The following PTPRD variants were observed in gnomAD, a reference collection of about 807,000 sequenced individuals.
PTPRD encodes the protein protein tyrosine phosphatase receptor type D.
In PTPRD, 34 loss-of-function variants were observed where a neutral mutation model predicts 214.5. The ratio of observed to expected loss-of-function variants is 0.16; its 90% CI spans 0.12 to 0.21. The LOEUF is 0.21. Among genes scored for constraint, PTPRD ranks in the 10% least tolerant of loss-of-function variants. The pLI is 1.00. For missense variants in PTPRD, 2,545 were observed against 2,398.7 expected, an observed-to-expected ratio of 1.06 and a Z score of -1.27; for synonymous variants, 1,128 against 845.7, an observed-to-expected ratio of 1.33 and a Z score of -5.79.
At chr9:10,060,893 CTTCCTTCT>C (rs796635598) in intron 3 of PTPRD, among the ~76,000 whole-genome samples, 2,671 of 78,628 alleles carry the variant, frequency 0.034, 49 homozygotes, top group East Asian at 0.13. Flanking sequence ...TCCTTCCTTC[CTTCCTTCT>C]TTCTTTCTTT....
intron 2 of PTPRD, among the ~76,000 whole-genome samples, chr9:10,388,891 A>G (rs980712406): frequency 1.3e-5 from 2 of 151,986 alleles, no homozygotes; most frequent in African/African-American, 4.8e-5. Context: ...CTCTAATAAT[A>G]ACCAATTGTA....
chr9:10,221,772 T>C (rs1003171239), intron 3 of PTPRD, among the ~76,000 whole-genome samples: 8 of 151,772 alleles, frequency 5.3e-5, no homozygotes, highest in Non-Finnish European at 2.9e-5. Context: ...CTAGTGTTCA[T>C]GGCTAAAAAA....
rs188344530 is a variant in PTPRD, at chr9:8,521,330, A to G, written c.908T>C (p.Val303Ala). The change falls in exon 20 of 46, where the codon GTT becomes GCT. Residue 303 changes from valine to alanine, a missense_variant. Coordinates refer to ENST00000381196, the MANE Select transcript of PTPRD (RefSeq NM_002839.4). Reference sequence around the variant, plus strand: ...AATGACACCCAGTGTTGACATAGCAACACAGGTGTAATTTGCTGACTGTCT... The same window carrying G: ...AATGACACCCAGTGTTGACATAGCAGCACAGGTGTAATTTGCTGACTGTCT... ...DVRQSANYTCVAMSTLGVIEA... is the reference protein window; with the variant it reads ...DVRQSANYTCAAMSTLGVIEA... The G allele has an allele frequency of 6.2e-7, 1 of 1,613,952 alleles. No individual in the cohort carries two copies. Among genetic ancestry groups the G allele is most frequent in the East Asian group, 2.2e-5 (1 of 44,862 alleles).
rs1192190465 is a variant in PTPRD, at chr9:8,633,429, T to C, written c.240A>G (p.Ser80=). ...TCCGTAAGGGTTGTATTCTGAGAAC[T>C]GATCCAGACCCATCGTCAAACTCTA... ...EVIEFDDGSG[S]VLRIQPLRTP... Residue 80 remains serine (S), a synonymous_variant, in exon 14 of 46, where the codon TCA becomes TCG. Transcript: ENST00000381196. 5 of 1,612,622 alleles carry C rather than the reference T, an allele frequency of 3.1e-6. No homozygotes were observed. The highest frequency in any genetic ancestry group is 2.2e-5 in the East Asian group (1 of 44,824).
chr9:9,426,051 G>T lies in PTPRD; in HGVS notation c.-236-28569C>A, dbSNP rs1057379533. Among the ~76,000 whole-genome samples the T allele has an allele frequency of 2.0e-5, 3 of 152,030 alleles. 1 individual carries two copies. Among genetic ancestry groups the T allele is most frequent in the Admixed American group, 2.0e-4 (3 of 15,266 alleles). ...GGTTCGTCTCAATGGGGCTTGTCCG[G>T]CAGTGGGTGCAGGACAGTGGATGCA... is the stretch of plus-strand genomic sequence containing the variant. On this transcript the variant is annotated intron_variant, in intron 8 of 45. Transcript: ENST00000381196.
intron 2 of PTPRD, among the ~76,000 whole-genome samples, chr9:10,341,636 C>T (rs1048531933): frequency 6.6e-6 from 1 of 151,920 alleles, no homozygotes; most frequent in Non-Finnish European, 1.5e-5. Context: ...AGAAATGAAA[C>T]ATGTGGCTTT....
intron 8 of PTPRD, among the ~76,000 whole-genome samples, chr9:9,526,782 A>G (rs577305234): frequency 6.6e-6 from 1 of 152,348 alleles, no homozygotes; most frequent in East Asian, 1.9e-4. Context: ...CAATATTATC[A>G]GAATAATTAA....
chr9:9,124,293 T>C (rs542007646), intron 10 of PTPRD, among the ~76,000 whole-genome samples: 1 of 152,344 alleles, frequency 6.6e-6, no homozygotes, highest in Non-Finnish European at 1.5e-5. Flanking sequence ...AAGTGTTACT[T>C]ACATATATTA....
intron 2 of PTPRD, among the ~76,000 whole-genome samples, chr9:10,363,224 C>T (rs1025432292): frequency 6.6e-6 from 1 of 152,110 alleles, no homozygotes; most frequent in Non-Finnish European, 1.5e-5. Flanking sequence ...GCCTGAAGTT[C>T]CACATTTTTA....
chr9:10,382,454 C>T (rs1324834080), intron 2 of PTPRD, among the ~76,000 whole-genome samples: 2 of 151,776 alleles, frequency 1.3e-5, no homozygotes, highest in Non-Finnish European at 1.5e-5. Flanking sequence ...ATTTTTATTT[C>T]CACAACAGAA....
intron 31 of PTPRD, among the ~76,000 whole-genome samples, chr9:8,466,147 C>T (rs940943729): frequency 2.6e-5 from 4 of 151,908 alleles, no homozygotes; most frequent in African/African-American, 7.2e-5. Flanking sequence ...AATGAGATAA[C>T]TCATATGATA....
chr9:9,849,383 A>G (rs2060127098), intron 5 of PTPRD, among the ~76,000 whole-genome samples: 1 of 152,142 alleles, frequency 6.6e-6, no homozygotes, highest in Non-Finnish European at 1.5e-5. Context: ...CTGATTATCA[A>G]TGCTCTCTTT....
intron 9 of PTPRD, among the ~76,000 whole-genome samples, chr9:9,233,581 C>A (rs1270589956): frequency 1.3e-5 from 2 of 152,194 alleles, no homozygotes; most frequent in African/African-American, 4.8e-5. Context: ...TGAGATAAGG[C>A]AAGTCTCTTC....
At chr9:8,748,478 A>T (rs966206703) in intron 11 of PTPRD, among the ~76,000 whole-genome samples, 2 of 127,588 alleles carry the variant, frequency 1.6e-5, no homozygotes, top group African/African-American at 5.6e-5. Flanking sequence ...TTTGTATGGG[A>T]GCTCTGTTTT....
chr9:9,398,999 C>T (rs957640593), intron 8 of PTPRD, among the ~76,000 whole-genome samples: 7 of 152,004 alleles, frequency 4.6e-5, no homozygotes, highest in African/African-American at 1.2e-4. Context: ...ATGTCTCATA[C>T]TTCACTATTC....
intron 3 of PTPRD, among the ~76,000 whole-genome samples, chr9:10,037,986 TGA>T (rs2154139022): frequency 6.6e-6 from 1 of 152,294 alleles, no homozygotes; most frequent in East Asian, 1.9e-4. Context: ...ACCTTGTATA[TGA>T]GAGTCTATCT....
intron 9 of PTPRD, among the ~76,000 whole-genome samples, chr9:9,189,918 T>A (rs1028642969): frequency 2.6e-5 from 4 of 152,048 alleles, no homozygotes; most frequent in African/African-American, 9.7e-5. Flanking sequence ...GGCTGTGTAA[T>A]TTGAGCAGAA....
At chr9:8,405,032 C>T (rs2092827323) in intron 35 of PTPRD, among the ~76,000 whole-genome samples, 2 of 152,092 alleles carry the variant, frequency 1.3e-5, no homozygotes, top group South Asian at 4.1e-4. Flanking sequence ...ATTGATTATT[C>T]TTCCCTATTC....
At chr9:8,792,616 C>T (rs2096272744) in intron 11 of PTPRD, among the ~76,000 whole-genome samples, 1 of 152,152 alleles carries the variant, frequency 6.6e-6, no homozygotes, top group Non-Finnish European at 1.5e-5. Flanking sequence ...AGGGGCTTGT[C>T]ATAGCCTTTC....
Sources: gnomAD v4.1 joint callset for allele counts (sites outside exome capture counted in the v4.1 genomes callset) on GRCh38, gnomAD v4.1.1 for gene constraint, MANE v1.5 for transcripts, NCBI Gene and HGNC (gene_info 2026-07-23, HGNC 2026-07-21) for gene names.